Variants in SUPT20H observed in about 807,000 individuals in gnomAD.
The protein encoded by SUPT20H is SPT20 homolog, SAGA complex component.
Under a neutral mutation model 122.8 loss-of-function variants are expected in SUPT20H, and 82 were observed. The observed-to-expected ratio is 0.67, with a 90% confidence interval of 0.56 to 0.80. The LOEUF (loss-of-function observed/expected upper bound fraction) is 0.80. Among genes scored for constraint, SUPT20H ranks in the 30% least tolerant of loss-of-function variants. The pLI is 0.00. For synonymous variants in SUPT20H, 291 were observed against 313.0 expected (o/e 0.93, Z 0.74); for missense variants, 831 against 921.6 (o/e 0.90, Z 1.27).
chr13:37,031,366 G>C (rs1320366214), intron 12 of SUPT20H, among the ~76,000 whole-genome samples: 1 of 151,836 alleles, frequency 6.6e-6, no homozygotes, highest in Non-Finnish European at 1.5e-5. Context: ...TGTGAAAAAA[G>C]AACAATACAC....
At chr13:37,015,840 T>C (rs112717301) in intron 23 of SUPT20H, among the ~76,000 whole-genome samples, 3 of 152,200 alleles carry the variant, frequency 2.0e-5, no homozygotes, top group African/African-American at 4.8e-5. Context: ...TTATTCACCA[T>C]GAAAAAGGAA....
intron 23 of SUPT20H, among the ~76,000 whole-genome samples, chr13:37,014,146 GAAAC>G (rs1373897011): frequency 6.6e-5 from 10 of 151,872 alleles, no homozygotes; most frequent in African/African-American, 1.7e-4. Context: ...TCAAAAGAAA[GAAAC>G]AAGAAATATT....
intron 10 of SUPT20H, 76 bp from the exon 11 acceptor site, chr13:37,031,971 G>C (rs1288603255): frequency 5.3e-6 from 7 of 1,315,182 alleles, no homozygotes; most frequent in Non-Finnish European, 7.2e-6. Context: ...AAACTAGTCA[G>C]TGCTGAATAT....
chr13:37,031,821 A>C lies in SUPT20H; in HGVS notation c.782T>G (p.Leu261Arg). Residue 261 changes from leucine to arginine, a missense_variant, in exon 11 of 26, where the codon CTG becomes CGG. Physicochemically the swap from Leu to Arg is moderately radical, Grantham distance 102. Coordinates refer to ENST00000350612, the MANE Select transcript of SUPT20H (RefSeq NM_001014286.3). Reference protein sequence around the residue: ...DLSHCPPPPQLRLLDFLQKRK... With the variant: ...DLSHCPPPPQRRLLDFLQKRK... ...TTTTTGTAAGAAATCAAGTAACCTC[A>C]GCTGAGGAGGAGGTGGACAATGAGA... The C allele has an allele frequency of 6.2e-7, 1 of 1,611,114 alleles. No homozygotes were observed. The highest frequency in any genetic ancestry group is 8.5e-7 in the Non-Finnish European group (1 of 1,178,860).
chr13:37,050,823 AGAG>A (rs2067523232), intron 2 of SUPT20H, among the ~76,000 whole-genome samples: 1 of 152,216 alleles, frequency 6.6e-6, no homozygotes, highest in South Asian at 2.1e-4. Flanking sequence ...GCAAGAACCA[AGAG>A]GAGAAGGAAG....
chr13:37,028,815 G>A (rs1360280134), intron 13 of SUPT20H, among the ~76,000 whole-genome samples: 3 of 151,532 alleles, frequency 2.0e-5, no homozygotes, highest in South Asian at 4.2e-4. Context: ...TCATGCTGCC[G>A]TGCCTGTTTA....
At chr13:37,013,190 C>CTTT (rs2059890042) in intron 23 of SUPT20H, 1 of 152,080 alleles carries the variant, frequency 6.6e-6, no homozygotes, top group Non-Finnish European at 1.5e-5. Flanking sequence ...GGAGAAAACA[C>CTTT]TGCCCAATTT....
intron 9 of SUPT20H, among the ~76,000 whole-genome samples, chr13:37,036,702 CCT>C (rs1236548093): frequency 6.6e-6 from 1 of 151,882 alleles, no homozygotes; most frequent in African/African-American, 2.4e-5. Context: ...TCTTTGCACC[CCT>C]GAGACAGCAA....
intron 10 of SUPT20H, among the ~76,000 whole-genome samples, chr13:37,033,010 A>C (rs2063666336): frequency 6.6e-6 from 1 of 152,154 alleles, no homozygotes; most frequent in Admixed American, 6.5e-5. Context: ...TGAAAAAATT[A>C]TTCTTTCTGT....
intron 1 of SUPT20H, among the ~76,000 whole-genome samples, chr13:37,055,873 C>G (rs2068854367): frequency 6.6e-6 from 1 of 152,180 alleles, no homozygotes; most frequent in African/African-American, 2.4e-5. Context: ...ACTCATCTGA[C>G]AAAGGGCTAA....
intron 5 of SUPT20H, among the ~76,000 whole-genome samples, chr13:37,046,409 A>G (rs1182380061): frequency 6.6e-6 from 1 of 152,188 alleles, no homozygotes; most frequent in Non-Finnish European, 1.5e-5. Flanking sequence ...CATTTAGACT[A>G]GAGGTTGCAA....
chr13:37,012,492 T>G (rs1268353788), intron 23 of SUPT20H, 195 bp from the exon 24 acceptor site: 3 of 435,012 alleles, frequency 6.9e-6, no homozygotes, highest in Non-Finnish European at 1.2e-5. Flanking sequence ...AAAGAAAACT[T>G]CATTTTTCAG....
At position 37,022,127 on chromosome 13, in the gene SUPT20H, A is replaced by C. The variant is rs979148472; in HGVS notation, c.1592-47T>G. ...TGGTGGAAAGAGGAATGGTTGTTAC[A>C]GGCATTGCCTGGCTCAGAGACCTTT... On this transcript the variant is annotated intron_variant, in intron 19 of 25. Coordinates refer to ENST00000350612, the MANE Select transcript of SUPT20H (RefSeq NM_001014286.3). This position sits in a 1 kb window ranked among gnomAD's most constrained non-coding sequence, Gnocchi z 4.5. 1 of 1,614,044 alleles carries C rather than the reference A, an allele frequency of 6.2e-7. No individual in the cohort carries two copies. The highest frequency in any genetic ancestry group is 1.7e-5 in the Admixed American group (1 of 59,994).
At chr13:37,052,710 C>T (rs1215441744) in intron 1 of SUPT20H, among the ~76,000 whole-genome samples, 2 of 152,162 alleles carry the variant, frequency 1.3e-5, no homozygotes, top group Non-Finnish European at 1.5e-5. Context: ...AGAGCTTCTG[C>T]TCAGCAAAAG....
At chr13:37,026,077 A>C in intron 16 of SUPT20H, 127 bp downstream of exon 16, 1 of 663,942 alleles carries the variant, frequency 1.5e-6, no homozygotes, top group Non-Finnish European at 2.5e-6. Context: ...TAAATATTAA[A>C]CAGTGTAAAT....
Position 37,025,230 on chromosome 13 carries a change from C to A in SUPT20H, c.1329+90G>T, listed in dbSNP as rs1266042883. 5.8e-5 allele frequency: 67 copies of A among 1,150,576 alleles called. 1 individual carries two copies. The South Asian group carries it at 8.0e-4, about 14-fold the overall frequency. 71.3% of individuals were successfully genotyped at this position (1,150,576 alleles called of 1,614,324 possible). Reference sequence around the variant, plus strand: ...GTGTTGGGATTACAGGCATGAGCCACTGTGCCTAGCCTCCAAAAATGATTC... The same window carrying A: ...GTGTTGGGATTACAGGCATGAGCCAATGTGCCTAGCCTCCAAAAATGATTC... On this transcript the variant is annotated intron_variant, in intron 17 of 25. Coordinates refer to ENST00000350612, the MANE Select transcript of SUPT20H (RefSeq NM_001014286.3).
intron 19 of SUPT20H, chr13:37,023,750 C>T (rs1410182111): frequency 2.8e-5 from 7 of 245,960 alleles, no homozygotes; most frequent in Non-Finnish European, 5.4e-5. Flanking sequence ...CTTATTGCCA[C>T]ATGTAACTAC....
At chr13:37,025,112 T>C (rs2062023018) in intron 17 of SUPT20H, 1 of 439,392 alleles carries the variant, frequency 2.3e-6, no homozygotes, top group African/African-American at 2.0e-5. Context: ...CAGCTAATTT[T>C]TGTGTTTTTA....
intron 23 of SUPT20H, among the ~76,000 whole-genome samples, chr13:37,014,688 TG>T (rs1234432700): frequency 6.6e-6 from 1 of 152,148 alleles, no homozygotes; most frequent in Non-Finnish European, 1.5e-5. Flanking sequence ...TTGTGGAAAG[TG>T]GCTTAAGCAG....
Sources: gnomAD v4.1 joint callset for allele counts (sites outside exome capture counted in the v4.1 genomes callset) on GRCh38, gnomAD v4.1.1 for gene constraint, Gnocchi (gnomAD v3.1) non-coding constraint, MANE v1.5 for transcripts, NCBI Gene and HGNC (gene_info 2026-07-23, HGNC 2026-07-21) for gene names.